The following KIF23 variants were observed in gnomAD, a reference collection of about 807,000 sequenced individuals.
The protein encoded by KIF23 is kinesin family member 23, also known as kinesin-like protein KIF23.
Under a neutral mutation model 137.5 loss-of-function variants are expected in KIF23, and 30 were observed. That is an observed-to-expected ratio of 0.22 (90% CI 0.16 to 0.30). KIF23 has a LOEUF of 0.30. Ranked by LOEUF, KIF23 falls within the 10% of genes least tolerant of loss-of-function variation. The pLI is 1.00. For missense variants in KIF23, 920 were observed against 1,194.3 expected, an observed-to-expected ratio of 0.77 and a Z score of 3.38; for synonymous variants, 367 against 391.1, an observed-to-expected ratio of 0.94 and a Z score of 0.73.
chr15:69,440,996 C>T lies in KIF23; in HGVS notation c.2338C>T (p.Arg780Ter). The change falls in exon 19 of 24, where the codon CGA (arginine) becomes TGA (stop). Residue 780 changes from arginine to a stop codon, truncating the protein, a stop_gained. Transcript: ENST00000679126. LOFTEE classifies it high-confidence loss of function. The stretch of plus-strand genomic sequence containing the variant: ...AACTTGTATCGTGTCAGACAGAAGG[C>T]GAGGGATGTACTGGACTGAAGGCAG... ...SKTCIVSDRR[R>*]GMYWTEGREV... 6.2e-7 allele frequency: 1 copy of T among 1,614,050 alleles called. No homozygotes were observed. Among genetic ancestry groups the T allele is most frequent in the Non-Finnish European group, 8.5e-7 (1 of 1,180,000 alleles).
In KIF23 at chr15:69,447,900, A is replaced by G; in HGVS notation, c.*93A>G. The G allele has an allele frequency of 1.5e-6, 2 of 1,339,504 alleles. No homozygotes were observed. Among genetic ancestry groups the G allele is most frequent in the Non-Finnish European group, 2.1e-6 (2 of 939,032 alleles). 83.0% of individuals were successfully genotyped at this position (1,339,504 alleles called of 1,614,324 possible). A position where few individuals can be genotyped will look rare whatever the true frequency, so the allele number is the denominator to read the frequency against. Reference sequence around the variant, plus strand: ...AGCAGTCTTCCAGGTCATCTTGTAGAACTCCAGCTTTGTTGAAAATCACGG... The same window carrying G: ...AGCAGTCTTCCAGGTCATCTTGTAGGACTCCAGCTTTGTTGAAAATCACGG... On this transcript the variant is annotated 3_prime_UTR_variant, in exon 24 of 24. Coordinates refer to ENST00000679126, the MANE Select transcript of KIF23 (RefSeq NM_001367805.3).
chr15:69,439,051 TTGCACGAC>T (rs2057550908), intron 16 of KIF23, among the ~76,000 whole-genome samples: 1 of 151,764 alleles, frequency 6.6e-6, no homozygotes, highest in Non-Finnish European at 1.5e-5. Context: ...TGAGCTGGGA[TTGCACGAC>T]TGCACTCCAG....
Position 69,446,350 on chromosome 15 carries a change from G to A in KIF23, c.2824G>A (p.Asp942Asn), listed in dbSNP as rs1372053761. The part of the protein sequence containing the change: ...QPDGAESEWT[D>N]VETRCSVAVE... ...AGATGGTGCAGAGTCTGAATGGACC[G>A]ATGTAGAAACAAGGGTAGGGGAAAA... is the stretch of plus-strand genomic sequence containing the variant. Residue 942 changes from aspartate (D) to asparagine (N), a missense_variant, in exon 22 of 24, where the codon GAT (aspartate) becomes AAT (asparagine). Physicochemically the swap from Asp to Asn is conservative, Grantham distance 23 (BLOSUM62 1). Transcript: ENST00000679126. The A allele has an allele frequency of 8.1e-6, 13 of 1,613,572 alleles. No individual in the cohort carries two copies. The East Asian group carries it at 1.1e-4, about 14-fold the overall frequency.
At chr15:69,427,679 AT>A (rs927967317) in intron 10 of KIF23, among the ~76,000 whole-genome samples, 2 of 152,236 alleles carry the variant, frequency 1.3e-5, no homozygotes, top group Admixed American at 6.5e-5. Flanking sequence ...GCTTGTGTCA[AT>A]TAGTAACAGC....
intron 19 of KIF23, among the ~76,000 whole-genome samples, chr15:69,441,336 C>T (rs766860056): frequency 2.6e-5 from 4 of 152,188 alleles, no homozygotes; most frequent in Non-Finnish European, 4.4e-5. Flanking sequence ...GTAGTCTGAG[C>T]TTTTCAGCTG....
At chr15:69,431,795 TACAC>T (rs1030097217) in intron 11 of KIF23, among the ~76,000 whole-genome samples, 3 of 152,024 alleles carry the variant, frequency 2.0e-5, no homozygotes, top group African/African-American at 7.3e-5. Flanking sequence ...GATGAAAAAA[TACAC>T]ACACACATTA....
intron 3 of KIF23, among the ~76,000 whole-genome samples, chr15:69,418,481 C>T (rs1202244148): frequency 2.0e-5 from 3 of 152,136 alleles, no homozygotes; most frequent in Non-Finnish European, 4.4e-5. Context: ...ATGGCACTAT[C>T]GTGTGTCCAG....
chr15:69,429,248 C>A, intron 11 of KIF23, 35 bp downstream of exon 11: 1 of 1,431,820 alleles, frequency 7.0e-7, no homozygotes, highest in Non-Finnish European at 9.7e-7. Flanking sequence ...ATTGCTACAA[C>A]TTTCAGAAAC....
In KIF23 at chr15:69,426,411, A is replaced by T. The variant is rs1567063605; in HGVS notation, c.965A>T (p.Lys322Ile). 1 of 1,614,172 alleles carries T rather than the reference A, an allele frequency of 6.2e-7. No homozygotes were observed. Among genetic ancestry groups the T allele is most frequent in the Non-Finnish European group, 8.5e-7 (1 of 1,179,998 alleles). Reference sequence around the variant, plus strand: ...CGTTCCCATAGCGTGTTCAACATTAAATTAGTTCAGGCTCCCTTGGATGCA... The same window carrying T: ...CGTTCCCATAGCGTGTTCAACATTATATTAGTTCAGGCTCCCTTGGATGCA... The part of the protein sequence containing the change: ...SSRSHSVFNI[K>I]LVQAPLDADG... The change falls in exon 10 of 24, where the codon AAA becomes ATA. Residue 322 changes from lysine (K) to isoleucine (I), a missense_variant. By Grantham distance (102) the Lys-to-Ile change is moderately radical. This residue lies in a region of KIF23 where 714 missense variants were observed against 866.2 expected (regional missense o/e 0.82). Coordinates refer to ENST00000679126, the MANE Select transcript of KIF23 (RefSeq NM_001367805.3).
In KIF23 at chr15:69,446,085, C is replaced by A. The variant is rs1350508120; in HGVS notation, c.2750C>A (p.Pro917Gln). Residue 917 changes from proline to glutamine, a missense_variant, in exon 21 of 24, where the codon CCA becomes CAA. Physicochemically the swap from Pro to Gln is moderately conservative, Grantham distance 76. This residue lies in a region of KIF23 where 75 missense variants were observed against 177.9 expected (regional missense o/e 0.42). Coordinates refer to ENST00000679126, the MANE Select transcript of KIF23 (RefSeq NM_001367805.3). Reference protein sequence around the residue: ...TDIETLKQESPNGSRKRRSST... With the variant: ...TDIETLKQESQNGSRKRRSST... The stretch of plus-strand genomic sequence containing the variant: ...ATTGAGACTTTAAAGCAAGAATCAC[C>A]AAATGGGTAAGTAACCATCAAAAAT... The A allele has an allele frequency of 2.5e-6, 4 of 1,611,490 alleles. No individual in the cohort carries two copies. The highest frequency in any genetic ancestry group is 2.5e-6 in the Non-Finnish European group (3 of 1,177,736).
chr15:69,422,446 A>G lies in KIF23; in HGVS notation c.563+11A>G, dbSNP rs2057081073. The G allele has an allele frequency of 2.0e-6, 3 of 1,481,656 alleles. No individual in the cohort carries two copies. Among genetic ancestry groups the G allele is most frequent in the East Asian group, 2.3e-5 (1 of 44,224 alleles). 91.8% of individuals were successfully genotyped at this position (1,481,656 alleles called of 1,614,324 possible). On this transcript the variant is annotated intron_variant, in intron 6 of 23. Coordinates refer to ENST00000679126, the MANE Select transcript of KIF23 (RefSeq NM_001367805.3). The stretch of plus-strand genomic sequence containing the variant: ...GACTTCTTCTAGCAAGTAAGTAATT[A>G]TATTTGTCTGCAGCACTGGCCTAGG...
In KIF23 at chr15:69,436,123, T is replaced by G; in HGVS notation, c.1315-15T>G. On this transcript the variant is annotated splice_polypyrimidine_tract_variant and intron_variant, in intron 13 of 23. Transcript: ENST00000679126. ...TCCTTATTTTTTTTTAAACTCCATT[T>G]GTTTTGTGTTTTAGCAAGTCATGAG... 6.2e-7 allele frequency: 1 copy of G among 1,603,312 alleles called. No individual in the cohort carries two copies.
At chr15:69,434,524 G>A (rs755109550) in intron 11 of KIF23, 11 of 780,532 alleles carry the variant, frequency 1.4e-5, no homozygotes, top group Non-Finnish European at 2.5e-5. Flanking sequence ...TGCCAGCCTG[G>A]ATCTCATAGT....
chr15:69,432,271 G>T (rs1008284374), intron 11 of KIF23, among the ~76,000 whole-genome samples: 3 of 152,174 alleles, frequency 2.0e-5, no homozygotes, highest in Non-Finnish European at 4.4e-5. Flanking sequence ...CAGGTTTTTA[G>T]AAGTGGTACA....
At position 69,447,795 on chromosome 15, in the gene KIF23, C is replaced by CA; in HGVS notation, c.2918dup (p.Pro974AlafsTer4). ...AGTGCTGGTTGTTATGTTTTAGGCGCAAAAAGCCATGAACTGACAGTCCCA... is the reference window on the plus strand; with the variant it reads ...AGTGCTGGTTGTTATGTTTTAGGCGCAAAAAAGCCATGAACTGACAGTCCCA... On this transcript the variant is annotated frameshift_variant, in exon 24 of 24. Transcript: ENST00000679126. LOFTEE classifies it high-confidence loss of function. 1 of 1,606,166 alleles carries CA rather than the reference C, an allele frequency of 6.2e-7. No homozygotes were observed. Among genetic ancestry groups the CA allele is most frequent in the Middle Eastern group, 1.7e-4 (1 of 6,030 alleles).
intron 11 of KIF23, among the ~76,000 whole-genome samples, chr15:69,429,939 C>T (rs530557346): frequency 6.6e-6 from 1 of 152,162 alleles, no homozygotes; most frequent in South Asian, 2.1e-4. Context: ...ATTGCTTGAG[C>T]CCTGGAGGTC....
intron 19 of KIF23, among the ~76,000 whole-genome samples, chr15:69,442,193 C>T (rs962629135): frequency 6.6e-6 from 1 of 152,096 alleles, no homozygotes; most frequent in Non-Finnish European, 1.5e-5. Flanking sequence ...TGACTATTTT[C>T]ATTGAAGAGT....
intron 11 of KIF23, among the ~76,000 whole-genome samples, chr15:69,431,680 G>A (rs931388832): frequency 1.3e-5 from 2 of 152,230 alleles, no homozygotes; most frequent in Admixed American, 1.3e-4. Flanking sequence ...GAATGGAGAG[G>A]AACAAGCTGA....
At chr15:69,416,953 A>ATAAT (rs2056929984) in intron 2 of KIF23, among the ~76,000 whole-genome samples, 1 of 151,582 alleles carries the variant, frequency 6.6e-6, no homozygotes. Flanking sequence ...CTGTCTCTAA[A>ATAAT]TAAATAAATA....
Sources: allele counts gnomAD v4.1 joint callset (sites outside exome capture counted in the v4.1 genomes callset), GRCh38; gene constraint gnomAD v4.1.1; regional missense constraint gnomAD v4.1.1; transcripts MANE v1.5; gene names NCBI Gene and HGNC (gene_info 2026-07-23, HGNC 2026-07-21).